Variants in HHAT observed in about 807,000 individuals in gnomAD.
HHAT encodes the protein hedgehog acyltransferase.
A neutral mutation model predicts 70.8 loss-of-function variants in HHAT; 47 were observed. That is an observed-to-expected ratio of 0.66 (90% CI 0.53 to 0.85). The LOEUF is 0.85. HHAT is among the 40% of genes least tolerant of loss of function. The pLI is 0.00. For synonymous variants in HHAT, 228 were observed against 247.6 expected (o/e 0.92, Z 0.74); for missense variants, 609 against 604.8 (o/e 1.01, Z -0.07).
At chr1:210,569,694 C>CT (rs879713496) in intron 9 of HHAT, among the ~76,000 whole-genome samples, 2 of 152,144 alleles carry the variant, frequency 1.3e-5, no homozygotes, top group Non-Finnish European at 2.9e-5. Flanking sequence ...CCATCTCCTG[C>CT]TTTGTATATC....
At chr1:210,490,066 T>A (rs1368864776) in intron 8 of HHAT, among the ~76,000 whole-genome samples, 1 of 149,560 alleles carries the variant, frequency 6.7e-6, no homozygotes, top group African/African-American at 2.6e-5. Flanking sequence ...AAAAAGTAAC[T>A]GTAAAATTCC....
chr1:210,535,704 T>G (rs1468447767), intron 9 of HHAT, among the ~76,000 whole-genome samples: 1 of 152,210 alleles, frequency 6.6e-6, no homozygotes, highest in Non-Finnish European at 1.5e-5. Context: ...CGTGCATCCC[T>G]TCTTGTGCTG....
intron 4 of HHAT, among the ~76,000 whole-genome samples, chr1:210,394,229 CTTTTTTTTTTTTT>C (rs59554789): frequency 2.7e-4 from 31 of 116,320 alleles, no homozygotes; most frequent in East Asian, 1.2e-3. Context: ...CATGATCTAT[CTTTTTTTTTTTTT>C]TTTTTTTTTT....
rs371193550 is a variant in HHAT at position 210,374,249 on chromosome 1, T to G, written c.159+11330T>G. 7.8e-5 allele frequency: 11 copies of G among 141,640 alleles called. No homozygotes were observed. In the East Asian group the frequency reaches 1.4e-3, roughly 18 times the overall value. 8.8% of individuals were successfully genotyped at this position (141,640 alleles called of 1,614,324 possible). ...AGTAAAAGGCGAAAGATTTATTCGA[T>G]CTGAAGAGAAACCAGTGTAATGCTA... is the stretch of plus-strand genomic sequence containing the variant. On this transcript the variant is annotated intron_variant, in intron 3 of 11. Transcript: ENST00000261458.
chr1:210,354,127 A>G (rs761160474), intron 2 of HHAT, among the ~76,000 whole-genome samples: 12 of 151,766 alleles, frequency 7.9e-5, no homozygotes, highest in Non-Finnish European at 1.0e-4. Flanking sequence ...GTGCTCTTCA[A>G]TCCATCTCAA....
chr1:210,414,555 TACTC>T (rs2092660938), intron 6 of HHAT, among the ~76,000 whole-genome samples: 1 of 151,912 alleles, frequency 6.6e-6, no homozygotes, highest in South Asian at 2.1e-4. Context: ...TGGAGAAGAA[TACTC>T]ACTCATAGAG....
At chr1:210,330,817 T>A (rs2084920740) in intron 1 of HHAT, among the ~76,000 whole-genome samples, 1 of 152,198 alleles carries the variant, frequency 6.6e-6, no homozygotes, top group Non-Finnish European at 1.5e-5. Flanking sequence ...ACGTTACATT[T>A]ATTTTATTTA....
rs1353570795 is a variant in HHAT at position 210,393,444 on chromosome 1, A to C, written c.273+5863A>C. ...CCCTTCCCTTGGGGAGTCACAGTTG[A>C]GTGGGAAGTTAGGAAAGCAAATACT... On this transcript the variant is annotated intron_variant, in intron 4 of 11. Coordinates refer to ENST00000261458, the MANE Select transcript of HHAT (RefSeq NM_018194.6). Among the ~76,000 whole-genome samples, 6 of 152,140 alleles carry C rather than the reference A, an allele frequency of 3.9e-5. No individual in the cohort carries two copies. The East Asian group carries it at 7.8e-4, about 20-fold the overall frequency.
At chr1:210,441,797 C>T (rs1019537208) in intron 7 of HHAT, among the ~76,000 whole-genome samples, 18 of 151,840 alleles carry the variant, frequency 1.2e-4, no homozygotes, top group African/African-American at 3.9e-4. Context: ...CAGATATACA[C>T]GTAAACATGT....
intron 1 of HHAT, among the ~76,000 whole-genome samples, chr1:210,339,369 G>C (rs531403870): frequency 6.6e-6 from 1 of 152,264 alleles, no homozygotes; most frequent in African/African-American, 2.4e-5. Flanking sequence ...TGCTAGATGT[G>C]TGCCCACCCC....
At chr1:210,574,191 C>T (rs1657079534) in intron 9 of HHAT, among the ~76,000 whole-genome samples, 1 of 152,080 alleles carries the variant, frequency 6.6e-6, no homozygotes, top group African/African-American at 2.4e-5. Context: ...GGTAAAGAAT[C>T]AAAGGGTGAG....
chr1:210,400,421 C>T, intron 4 of HHAT, 47 bp from the exon 5 acceptor site: 1 of 1,520,740 alleles, frequency 6.6e-7, no homozygotes, highest in Non-Finnish European at 8.9e-7. Flanking sequence ...TTTCCTCCCT[C>T]CCCTCTTCCT....
intron 7 of HHAT, among the ~76,000 whole-genome samples, chr1:210,458,458 CATT>C (rs993452026): frequency 1.3e-5 from 2 of 152,160 alleles, no homozygotes; most frequent in Non-Finnish European, 2.9e-5. Context: ...AGCTGAACCA[CATT>C]ATGTACTTGG....
At chr1:210,511,780 CTTTTTTTTTTTTTT>C (rs201825628) in intron 8 of HHAT, among the ~76,000 whole-genome samples, 1 of 88,456 alleles carries the variant, frequency 1.1e-5, no homozygotes, top group Admixed American at 1.4e-4. Context: ...GCCGCCTGGT[CTTTTTTTTTTTTTT>C]TTTTTTTTTT....
chr1:210,387,322 G>C, intron 3 of HHAT, 146 bp from the exon 4 acceptor site: 1 of 658,554 alleles, frequency 1.5e-6, no homozygotes. Flanking sequence ...TGTACAGGTG[G>C]GTGGGGAAAG....
At chr1:210,430,484 G>A (rs954204670) in intron 7 of HHAT, among the ~76,000 whole-genome samples, 6 of 151,884 alleles carry the variant, frequency 4.0e-5, no homozygotes, top group Non-Finnish European at 8.8e-5. Context: ...TTTAAATTCA[G>A]ATTTAACATT....
chr1:210,596,044 A>G (rs183488531), intron 10 of HHAT, among the ~76,000 whole-genome samples: 93 of 152,306 alleles, frequency 6.1e-4, no homozygotes, highest in Middle Eastern at 3.4e-3. Context: ...GTCCTTGCCC[A>G]TGCCTATGTC....
chr1:210,511,777 G>A (rs1372139820), intron 8 of HHAT, among the ~76,000 whole-genome samples: 3 of 134,674 alleles, frequency 2.2e-5, no homozygotes, highest in African/African-American at 8.0e-5. Context: ...CTGGCCGCCT[G>A]GTCTTTTTTT....
intron 9 of HHAT, among the ~76,000 whole-genome samples, chr1:210,577,835 AG>A (rs796539126): frequency 5.8e-4 from 88 of 151,834 alleles, no homozygotes; most frequent in African/African-American, 2.1e-3. Flanking sequence ...TAGTCGAGAC[AG>A]GGTTTCACCA....
Sources: allele counts gnomAD v4.1 joint callset (sites outside exome capture counted in the v4.1 genomes callset), GRCh38; gene constraint gnomAD v4.1.1; transcripts MANE v1.5; gene names NCBI Gene and HGNC (gene_info 2026-07-23, HGNC 2026-07-21).